KCTD16: variants seen among roughly 807,000 people sequenced by gnomAD.
KCTD16 encodes potassium channel tetramerization domain containing 16.
KCTD16 carries 13 observed loss-of-function variants against 33.2 expected under a neutral mutation model. The observed-to-expected ratio is 0.39, with a 90% confidence interval of 0.25 to 0.62. The LOEUF is 0.62. Among genes scored for constraint, KCTD16 ranks in the 20% least tolerant of loss-of-function variants. The pLI is 0.50. For missense variants in KCTD16, 441 were observed against 525.1 expected (o/e 0.84, Z 1.57); for synonymous variants, 197 against 195.3 (o/e 1.01, Z -0.07).
At chr5:144,296,670 T>C (rs1234542254) in intron 3 of KCTD16, among the ~76,000 whole-genome samples, 1 of 152,162 alleles carries the variant, frequency 6.6e-6, no homozygotes, top group Non-Finnish European at 1.5e-5. Context: ...CTCTGGAGCA[T>C]TTGGGTGCTT....
intron 3 of KCTD16, among the ~76,000 whole-genome samples, chr5:144,415,545 A>G (rs1275551758): frequency 6.6e-6 from 1 of 152,154 alleles, no homozygotes; most frequent in Non-Finnish European, 1.5e-5. Flanking sequence ...CTCAATCTCT[A>G]TCACTTGCAA....
intron 3 of KCTD16, among the ~76,000 whole-genome samples, chr5:144,308,834 G>T (rs1349409526): frequency 6.9e-6 from 1 of 145,378 alleles, no homozygotes; most frequent in Non-Finnish European, 1.5e-5. Context: ...AAAGTGTGAT[G>T]GCTTCTCCCT....
chr5:144,363,259 T>A (rs1395320420), intron 3 of KCTD16, among the ~76,000 whole-genome samples: 1 of 152,084 alleles, frequency 6.6e-6, no homozygotes, highest in Non-Finnish European at 1.5e-5. Context: ...TGAGAATCAT[T>A]TGAACCTGGG....
At chr5:144,220,749 G>A (rs902885825) in intron 3 of KCTD16, among the ~76,000 whole-genome samples, 1 of 152,134 alleles carries the variant, frequency 6.6e-6, no homozygotes, top group African/African-American at 2.4e-5. Flanking sequence ...AGACCATCCT[G>A]GCTAACACGG....
chr5:144,242,396 T>C (rs1017297329), intron 3 of KCTD16, among the ~76,000 whole-genome samples: 1 of 152,196 alleles, frequency 6.6e-6, no homozygotes, highest in South Asian at 2.1e-4. Context: ...TAGAAAATTA[T>C]ATACTTTTTC....
chr5:144,422,153 C>G (rs1266150982), intron 3 of KCTD16, among the ~76,000 whole-genome samples: 1 of 152,154 alleles, frequency 6.6e-6, no homozygotes, highest in Admixed American at 6.6e-5. Flanking sequence ...TCTGGCTAAA[C>G]TCTGGGCTGC....
intron 3 of KCTD16, among the ~76,000 whole-genome samples, chr5:144,335,242 A>T (rs1251282214): frequency 6.6e-6 from 1 of 152,220 alleles, no homozygotes; most frequent in Non-Finnish European, 1.5e-5. Context: ...AATGATCTTT[A>T]TTAAGCACCT....
chr5:144,243,757 T>TAG (rs1209326572), intron 3 of KCTD16, among the ~76,000 whole-genome samples: 28 of 151,834 alleles, frequency 1.8e-4, no homozygotes, highest in African/African-American at 6.3e-4. Flanking sequence ...TTGTTTTTTT[T>TAG]AGAGAGAGAG....
In KCTD16 at chr5:144,450,593, A is replaced by G. The variant is rs553108590; in HGVS notation, c.833-23067A>G. 1.1e-4 allele frequency among the ~76,000 whole-genome samples: 16 copies of G among 152,210 alleles called. No individual in the cohort carries two copies. In the South Asian group the frequency reaches 2.7e-3, roughly 26 times the overall value. On this transcript the variant is annotated intron_variant, in intron 3 of 3. Coordinates refer to ENST00000512467, the MANE Select transcript of KCTD16 (RefSeq NM_020768.4). ...TGGATAAAGAAAATGTGGCATATACATACAATGAAACAATATTCACCCTTT... is the reference window on the plus strand; with the variant it reads ...TGGATAAAGAAAATGTGGCATATACGTACAATGAAACAATATTCACCCTTT...
At position 144,475,011 on chromosome 5, in the gene KCTD16, G is replaced by A. The variant is rs1754564262; in HGVS notation, c.*897G>A. ...ATATCCACAAAATTTTCTGCTAAAT[G>A]ACTCCACACTCAGCCTTCTCTACCC... On this transcript the variant is annotated 3_prime_UTR_variant, in exon 4 of 4. Coordinates refer to ENST00000512467, the MANE Select transcript of KCTD16 (RefSeq NM_020768.4). The A allele has an allele frequency of 6.6e-6, 1 of 152,176 alleles. No individual in the cohort carries two copies. 9.4% of individuals were successfully genotyped at this position (152,176 alleles called of 1,614,324 possible). A position where few individuals can be genotyped will look rare whatever the true frequency, so the allele number is the denominator to read the frequency against.
At chr5:144,301,240 C>CAAA (rs5871873) in intron 3 of KCTD16, among the ~76,000 whole-genome samples, 6 of 74,690 alleles carry the variant, frequency 8.0e-5, no homozygotes, top group African/African-American at 9.7e-5. Context: ...GATTCCATCT[C>CAAA]AAAAAAAAAA....
chr5:144,457,052 A>G (rs1203722060), intron 3 of KCTD16, among the ~76,000 whole-genome samples: 1 of 152,256 alleles, frequency 6.6e-6, no homozygotes, highest in Non-Finnish European at 1.5e-5. Flanking sequence ...TATTTGAATA[A>G]AATACAAATT....
chr5:144,212,587 T>C (rs1030109088), intron 3 of KCTD16, among the ~76,000 whole-genome samples: 1 of 152,162 alleles, frequency 6.6e-6, no homozygotes, highest in Non-Finnish European at 1.5e-5. Flanking sequence ...CAAAGCTCCA[T>C]CTGGAACACC....
At chr5:144,420,852 C>A (rs1721408419) in intron 3 of KCTD16, among the ~76,000 whole-genome samples, 1 of 152,124 alleles carries the variant, frequency 6.6e-6, no homozygotes, top group Admixed American at 6.6e-5. Flanking sequence ...CACAGATAAC[C>A]CTCAGAATAA....
intron 2 of KCTD16, among the ~76,000 whole-genome samples, chr5:144,176,690 C>T (rs1256414938): frequency 2.6e-5 from 4 of 152,108 alleles, no homozygotes; most frequent in Non-Finnish European, 4.4e-5. Flanking sequence ...GCGTGAGCCA[C>T]CGCGCCCGGC....
intron 3 of KCTD16, among the ~76,000 whole-genome samples, chr5:144,447,411 C>G (rs1753843806): frequency 6.6e-6 from 1 of 151,876 alleles, no homozygotes; most frequent in Admixed American, 6.6e-5. Context: ...CTGTCAGGGG[C>G]TGGGGGACAA....
chr5:144,478,386 G>A lies in KCTD16; in HGVS notation c.*4272G>A, dbSNP rs1020658784. 1.3e-5 allele frequency: 2 copies of A among 152,016 alleles called. No homozygotes were observed. The highest frequency in any genetic ancestry group is 4.8e-5 in the African/African-American group (2 of 41,434). The allele number at this position is 152,016 out of a possible 1,614,324, so 9.4% of individuals were successfully genotyped here. On this transcript the variant is annotated 3_prime_UTR_variant, in exon 4 of 4. Coordinates refer to ENST00000512467, the MANE Select transcript of KCTD16 (RefSeq NM_020768.4). The stretch of plus-strand genomic sequence containing the variant: ...TAAACTTTAATAATCACAGCCTTGT[G>A]ATGCAAACACAGAGCTTATTTGTTT...
At chr5:144,187,856 A>T (rs1487848201) in intron 2 of KCTD16, among the ~76,000 whole-genome samples, 2 of 152,214 alleles carry the variant, frequency 1.3e-5, no homozygotes, top group Non-Finnish European at 2.9e-5. Context: ...CTTTGTTTAG[A>T]TTATTTTTGC....
Position 144,363,969 on chromosome 5 carries a change from A to G in KCTD16, c.833-109691A>G, listed in dbSNP as rs546154390. 5.9e-5 allele frequency among the ~76,000 whole-genome samples: 9 copies of G among 152,164 alleles called. No homozygotes were observed. The East Asian group carries it at 1.5e-3, about 26-fold the overall frequency. The stretch of plus-strand genomic sequence containing the variant: ...GGGCTTTATTTAGTTTGGTGGTGAC[A>G]TATTTATTTTATTCAATTCAGTTTT... On this transcript the variant is annotated intron_variant, in intron 3 of 3. Transcript: ENST00000512467.
Sources: gnomAD v4.1 joint callset for allele counts (sites outside exome capture counted in the v4.1 genomes callset) on GRCh38, gnomAD v4.1.1 for gene constraint, MANE v1.5 for transcripts, NCBI Gene and HGNC (gene_info 2026-07-23, HGNC 2026-07-21) for gene names.